The following DNAH6 variants were observed in gnomAD, a reference collection of about 807,000 sequenced individuals.
The protein encoded by DNAH6 is dynein axonemal heavy chain 6.
DNAH6 carries 340 observed loss-of-function variants against 491.4 expected under a neutral mutation model. That is an observed-to-expected ratio of 0.69 (90% CI 0.63 to 0.76). The LOEUF is 0.76. DNAH6 is among the 30% of genes least tolerant of loss of function. DNAH6 has a pLI of 0.00. For synonymous variants in DNAH6, 1,603 were observed against 1,686.1 expected (o/e 0.95, Z 1.21); for missense variants, 4,443 against 4,972.2 (o/e 0.89, Z 3.20).
intron 10 of DNAH6, among the ~76,000 whole-genome samples, chr2:84,557,427 A>C (rs1286617574): frequency 4.0e-5 from 6 of 151,356 alleles, no homozygotes; most frequent in African/African-American, 1.5e-4. Flanking sequence ...CGGGTGGATC[A>C]TGAGGTCAGG....
At chr2:84,680,988 A>G (rs1290355691) in intron 41 of DNAH6, among the ~76,000 whole-genome samples, 1 of 152,108 alleles carries the variant, frequency 6.6e-6, no homozygotes, top group Non-Finnish European at 1.5e-5. Context: ...AGTCTATGAG[A>G]GTGGTGGTCA....
At position 84,547,502 on chromosome 2, in the gene DNAH6, G is replaced by T. The variant is rs747560481; in HGVS notation, c.1076G>T (p.Arg359Leu). The T allele has an allele frequency of 5.8e-6, 9 of 1,551,386 alleles. No homozygotes were observed. Among genetic ancestry groups the T allele is most frequent in the African/African-American group, 1.4e-5 (1 of 72,964 alleles). The stretch of plus-strand genomic sequence containing the variant: ...TTCAACAATATCTAGGTGACAGAAC[G>T]CCTAGGAGAATTTCGAAATGAGGCA... Reference protein sequence around the residue: ...QVIRLAEVTERLGEFRNEAKY... With the variant: ...QVIRLAEVTELLGEFRNEAKY... Residue 359 changes from arginine (R) to leucine (L), a missense_variant, in exon 7 of 77, where the codon CGC (arginine) becomes CTC (leucine). By Grantham distance (102) the Arg-to-Leu change is moderately radical (BLOSUM62 -2). Coordinates refer to ENST00000389394, the MANE Select transcript of DNAH6 (RefSeq NM_001370.2).
upstream of DNAH6, among the ~76,000 whole-genome samples, chr2:84,513,074 T>A (rs1675397033): frequency 6.6e-6 from 1 of 152,102 alleles, no homozygotes. Flanking sequence ...TGAGGTAGAT[T>A]TTTTTAAGTG....
At chr2:84,789,136 C>G (rs952258860) in intron 68 of DNAH6, among the ~76,000 whole-genome samples, 1 of 152,110 alleles carries the variant, frequency 6.6e-6, no homozygotes, top group Non-Finnish European at 1.5e-5. Flanking sequence ...AAATGGATAA[C>G]TAGTTTTAAG....
At chr2:84,679,171 C>T (rs1693535791) in intron 41 of DNAH6, among the ~76,000 whole-genome samples, 1 of 152,090 alleles carries the variant, frequency 6.6e-6, no homozygotes, top group African/African-American at 2.4e-5. Context: ...CTAAATAGTA[C>T]ATGTATATTA....
chr2:84,681,279 TATC>T, intron 41 of DNAH6, 75 bp from the exon 42 acceptor site: 1 of 1,248,286 alleles, frequency 8.0e-7, no homozygotes, highest in Middle Eastern at 2.0e-4. Context: ...TAGAAAACGT[TATC>T]ATCCGGAGTA....
chr2:84,595,152 C>G (rs758997428), intron 17 of DNAH6, among the ~76,000 whole-genome samples: 5 of 152,132 alleles, frequency 3.3e-5, no homozygotes, highest in Non-Finnish European at 5.9e-5. Context: ...AAATTTTCTA[C>G]TGCCATCAAT....
Position 84,685,341 on chromosome 2 carries a change from A to T in DNAH6, c.6932A>T (p.Asp2311Val), listed in dbSNP as rs949231306. 6.0e-6 allele frequency: 9 copies of T among 1,504,324 alleles called. No homozygotes were observed. In the African/African-American group the frequency reaches 1.3e-4, roughly 21 times the overall value. The allele number at this position is 1,504,324 out of a possible 1,614,324, so 93.2% of individuals were successfully genotyped here. Residue 2311 changes from aspartate to valine, a missense_variant, in exon 43 of 77, where the codon GAT (aspartate) becomes GTT (valine). By Grantham distance (152) the Asp-to-Val change is radical. Transcript: ENST00000389394. ...TAAAAAACAGGTATCCTCCAATGTG[A>T]TCCAGGAACAATAAGAGAAGAAATT... is the stretch of plus-strand genomic sequence containing the variant. ...SKCVQGILQC[D>V]PGTIREEIQI...
intron 60 of DNAH6, among the ~76,000 whole-genome samples, chr2:84,724,131 T>C (rs1416455870): frequency 6.6e-6 from 1 of 152,212 alleles, no homozygotes; most frequent in African/African-American, 2.4e-5. Flanking sequence ...TGTTCATCCA[T>C]GCTTATACCC....
chr2:84,798,002 G>A lies in DNAH6; in HGVS notation c.11481+344G>A, dbSNP rs562114353. Among the ~76,000 whole-genome samples, 23 of 152,246 alleles carry A rather than the reference G, an allele frequency of 1.5e-4. No homozygotes were observed. In the East Asian group the frequency reaches 4.2e-3, roughly 28 times the overall value. On this transcript the variant is annotated intron_variant, in intron 70 of 76. Coordinates refer to ENST00000389394, the MANE Select transcript of DNAH6 (RefSeq NM_001370.2). ...CCCTTTGCCCTTCTTCTACCAGGCT[G>A]GGCACATTTGTGTCATATTACACAA...
At chr2:84,658,809 A>T (rs1273924426) in intron 36 of DNAH6, among the ~76,000 whole-genome samples, 1 of 152,074 alleles carries the variant, frequency 6.6e-6, no homozygotes, top group Non-Finnish European at 1.5e-5. Context: ...TTCCCTACAT[A>T]TTCCTTCTCA....
intron 5 of DNAH6, among the ~76,000 whole-genome samples, chr2:84,545,382 C>A (rs1484939455): frequency 6.6e-6 from 1 of 152,132 alleles, no homozygotes; most frequent in Non-Finnish European, 1.5e-5. Flanking sequence ...TGACATGAAA[C>A]TCAAATTTCA....
intron 11 of DNAH6, among the ~76,000 whole-genome samples, chr2:84,559,499 A>G (rs751365826): frequency 6.6e-5 from 10 of 152,182 alleles, no homozygotes; most frequent in Non-Finnish European, 1.0e-4. Context: ...GTGAGCCAAG[A>G]TCATGCCACT....
intron 37 of DNAH6, among the ~76,000 whole-genome samples, chr2:84,667,630 A>G (rs1692273922): frequency 6.6e-6 from 1 of 152,220 alleles, no homozygotes; most frequent in Non-Finnish European, 1.5e-5. Context: ...GAACACTTTT[A>G]CACTGTTGGT....
At chr2:84,682,385 G>C (rs1228883239) in intron 42 of DNAH6, among the ~76,000 whole-genome samples, 2 of 152,040 alleles carry the variant, frequency 1.3e-5, no homozygotes, top group Non-Finnish European at 2.9e-5. Flanking sequence ...AAAATGTTGG[G>C]GCCGCAGGGC....
At chr2:84,604,119 A>G (rs528877851) in intron 18 of DNAH6, among the ~76,000 whole-genome samples, 14 of 152,264 alleles carry the variant, frequency 9.2e-5, no homozygotes, top group African/African-American at 2.2e-4. Flanking sequence ...GTCGGTATCA[A>G]TCTCTCTCCA....
At chr2:84,595,563 T>G in intron 17 of DNAH6, 83 bp from the exon 18 acceptor site, 2 of 1,277,788 alleles carry the variant, frequency 1.6e-6, no homozygotes, top group Non-Finnish European at 2.1e-6. Context: ...TTGGATTAAC[T>G]TTTAAAAGTT....
chr2:84,750,420 G>A (rs1673358735), intron 63 of DNAH6, among the ~76,000 whole-genome samples: 1 of 151,984 alleles, frequency 6.6e-6, no homozygotes, highest in South Asian at 2.1e-4. Flanking sequence ...CCTGAGCTCA[G>A]GGGTTCCTCC....
At chr2:84,506,864 A>T in the DNAH6 span, among the ~76,000 whole-genome samples, 6 of 152,058 alleles carry the variant, frequency 3.9e-5, no homozygotes, top group Non-Finnish European at 7.4e-5. Context: ...TTTGTCAAAG[A>T]TCAGATAGTT....
Sources: gnomAD v4.1 joint callset for allele counts (sites outside exome capture counted in the v4.1 genomes callset) on GRCh38, gnomAD v4.1.1 for gene constraint, MANE v1.5 for transcripts, NCBI Gene and HGNC (gene_info 2026-07-23, HGNC 2026-07-21) for gene names.